RTN4RL2: variants seen among roughly 807,000 people sequenced by gnomAD.
RTN4RL2 encodes reticulon 4 receptor like 2.
RTN4RL2 carries 9 observed loss-of-function variants against 27.8 expected under a neutral mutation model. The ratio of observed to expected loss-of-function variants is 0.32; its 90% confidence interval spans 0.20 to 0.57. The LOEUF (loss-of-function observed/expected upper bound fraction) is 0.57, where lower values mean the gene tolerates loss of function less well. RTN4RL2 is among the 20% of genes least tolerant of loss of function. RTN4RL2 has a pLI of 0.90. For synonymous variants in RTN4RL2, 285 were observed against 297.9 expected (o/e 0.96, Z 0.45); for missense variants, 436 against 596.8 (o/e 0.73, Z 2.81).
In RTN4RL2 at chr11:57,476,391, C is replaced by T; in HGVS notation, c.743C>T (p.Ala248Val). 1.2e-6 allele frequency: 2 copies of T among 1,605,608 alleles called. No homozygotes were observed. The highest frequency in any genetic ancestry group is 1.7e-6 in the Non-Finnish European group (2 of 1,178,938). ...SLASLPGEAL[A>V]DLPSLEFLRL... is the part of the protein sequence containing the mutation. ...GCCTCGCTGCCCGGCGAGGCGCTCG[C>T]CGACCTGCCCTCGCTCGAGTTCCTG... The change falls in exon 3 of 3, where the codon GCC (alanine) becomes GTC (valine). Residue 248 changes from alanine (A) to valine (V), a missense_variant. Coordinates refer to ENST00000335099, the MANE Select transcript of RTN4RL2 (RefSeq NM_178570.3). The surrounding 1 kb of genome is among the most constrained non-coding windows in gnomAD (Gnocchi z 8.2).
chr11:57,474,093 C>A (rs560413698), intron 2 of RTN4RL2, among the ~76,000 whole-genome samples: 1 of 152,286 alleles, frequency 6.6e-6, no homozygotes, highest in South Asian at 2.1e-4. Flanking sequence ...AAGCCTACCC[C>A]CTGGATGGGC....
Position 57,476,737 on chromosome 11 carries a change from C to T in RTN4RL2, c.1089C>T (p.Asp363=). ...ACTCGCGGGGGCGCCAGGGCGGGGACGCGCCTACTGAGGACGACTACTGGG... is the reference window on the plus strand; with the variant it reads ...ACTCGCGGGGGCGCCAGGGCGGGGATGCGCCTACTGAGGACGACTACTGGG... ...AEDSRGRQGG[D]APTEDDYWGG... Residue 363 remains aspartate, a synonymous_variant, in exon 3 of 3, where the codon GAC becomes GAT. Transcript: ENST00000335099. This position sits in a 1 kb window ranked among gnomAD's most constrained non-coding sequence, Gnocchi z 8.2. The T allele has an allele frequency of 6.9e-7, 1 of 1,440,470 alleles. No homozygotes were observed. Among genetic ancestry groups the T allele is most frequent in the Non-Finnish European group, 9.1e-7 (1 of 1,104,174 alleles). The allele number at this position is 1,440,470 out of a possible 1,614,324, so 89.2% of individuals were successfully genotyped here. A position where few individuals can be genotyped will look rare whatever the true frequency, so the allele number is the denominator to read the frequency against.
At chr11:57,470,607 G>A (rs1460804581) in intron 2 of RTN4RL2, among the ~76,000 whole-genome samples, 1 of 144,118 alleles carries the variant, frequency 6.9e-6, no homozygotes, top group Non-Finnish European at 1.5e-5. Context: ...TTAGCACAAG[G>A]ATTAAAATGT....
chr11:57,468,179 CCT>C (rs1590731868), intron 2 of RTN4RL2, 89 bp downstream of exon 2: 1 of 1,382,888 alleles, frequency 7.2e-7, no homozygotes, highest in East Asian at 2.3e-5. Flanking sequence ...GTGCGTCCCT[CCT>C]CTCTCCCCAG....
Position 57,477,141 on chromosome 11 carries a change from C to A in RTN4RL2, c.*230C>A. Reference sequence around the variant, plus strand: ...GTGTGGTGGCTCAGCCCTGCCCTCCCCAGTTCTGGCCATTAACTCTTCCCC... The same window carrying A: ...GTGTGGTGGCTCAGCCCTGCCCTCCACAGTTCTGGCCATTAACTCTTCCCC... On this transcript the variant is annotated 3_prime_UTR_variant, in exon 3 of 3. Coordinates refer to ENST00000335099, the MANE Select transcript of RTN4RL2 (RefSeq NM_178570.3). 2.2e-6 allele frequency: 1 copy of A among 453,170 alleles called. No individual in the cohort carries two copies. The highest frequency in any genetic ancestry group is 3.8e-6 in the Non-Finnish European group (1 of 260,184). The allele number at this position is 453,170 out of a possible 1,614,324, so 28.1% of individuals were successfully genotyped here. A position where few individuals can be genotyped will look rare whatever the true frequency, so the allele number is the denominator to read the frequency against.
At chr11:57,469,655 G>A (rs1024945978) in intron 2 of RTN4RL2, among the ~76,000 whole-genome samples, 1 of 152,130 alleles carries the variant, frequency 6.6e-6, no homozygotes, top group African/African-American at 2.4e-5. Flanking sequence ...ATTTAACATT[G>A]GTTTCAGTGA....
chr11:57,476,519 C>A lies in RTN4RL2; in HGVS notation c.871C>A (p.Pro291Thr), dbSNP rs1469137463. The A allele has an allele frequency of 6.9e-7, 1 of 1,458,424 alleles. No homozygotes were observed. The highest frequency in any genetic ancestry group is 9.0e-7 in the Non-Finnish European group (1 of 1,115,104). The allele number at this position is 1,458,424 out of a possible 1,614,324, so 90.3% of individuals were successfully genotyped here. A position where few individuals can be genotyped will look rare whatever the true frequency, so the allele number is the denominator to read the frequency against. Residue 291 changes from proline (P) to threonine (T), a missense_variant, in exon 3 of 3, where the codon CCC (proline) becomes ACC (threonine). Transcript: ENST00000335099. This position sits in a 1 kb window ranked among gnomAD's most constrained non-coding sequence, Gnocchi z 8.2. ...CAGCTCCGACGTGACCTGCGCCACC[C>A]CCCCGGAGCGCCAGGGCCGAGACCT... ...VSSSDVTCAT[P>T]PERQGRDLRA...
intron 2 of RTN4RL2, 87 bp downstream of exon 2, chr11:57,468,177 C>A: frequency 7.2e-7 from 1 of 1,394,496 alleles, no homozygotes; most frequent in Non-Finnish European, 9.7e-7. Flanking sequence ...GCGTGCGTCC[C>A]TCCTCTCTCC....
At chr11:57,468,155 T>C in intron 2 of RTN4RL2, 65 bp downstream of exon 2, 1 of 1,510,280 alleles carries the variant, frequency 6.6e-7, no homozygotes. Flanking sequence ...GCCCCTCTGC[T>C]CCCCGACCCT....
In RTN4RL2 at chr11:57,467,569, T is replaced by G; in HGVS notation, c.32-40T>G. 1 of 1,562,474 alleles carries G rather than the reference T, an allele frequency of 6.4e-7. No homozygotes were observed. Among genetic ancestry groups the G allele is most frequent in the Non-Finnish European group, 8.7e-7 (1 of 1,154,750 alleles). On this transcript the variant is annotated intron_variant, in intron 1 of 2. Transcript: ENST00000335099. The surrounding 1 kb of genome is among the most constrained non-coding windows in gnomAD (Gnocchi z 5.5). ...TGGCCCCCAGCTGGCACTCCTGCCC[T>G]GGAAGCCCACCTAGTAAGTTCTGCT...
rs1380982828 is a variant in RTN4RL2, at chr11:57,476,400, C to G, written c.752C>G (p.Pro251Arg). ...CCCGGCGAGGCGCTCGCCGACCTGC[C>G]CTCGCTCGAGTTCCTGCGGCTCAAC... ...SLPGEALADLPSLEFLRLNAN... is the reference protein window; with the variant it reads ...SLPGEALADLRSLEFLRLNAN... Residue 251 changes from proline (P) to arginine (R), a missense_variant, in exon 3 of 3, where the codon CCC (proline) becomes CGC (arginine). Transcript: ENST00000335099. This position sits in a 1 kb window ranked among gnomAD's most constrained non-coding sequence, Gnocchi z 8.2. 3 of 1,603,726 alleles carry G rather than the reference C, an allele frequency of 1.9e-6. No homozygotes were observed. Among genetic ancestry groups the G allele is most frequent in the Admixed American group, 1.7e-5 (1 of 59,772 alleles).
intron 2 of RTN4RL2, among the ~76,000 whole-genome samples, chr11:57,468,389 A>T (rs1258480488): frequency 1.4e-5 from 2 of 148,112 alleles, no homozygotes; most frequent in Non-Finnish European, 3.0e-5. Context: ...ATCCCTTTCC[A>T]TCCATCACTG....
chr11:57,476,485 G>A lies in RTN4RL2; in HGVS notation c.837G>A (p.Ala279=). The A allele has an allele frequency of 1.3e-6, 2 of 1,528,324 alleles. No homozygotes were observed. The highest frequency in any genetic ancestry group is 1.2e-5 in the South Asian group (1 of 82,594). The allele number at this position is 1,528,324 out of a possible 1,614,324, so 94.7% of individuals were successfully genotyped here. A position where few individuals can be genotyped will look rare whatever the true frequency, so the allele number is the denominator to read the frequency against. The change falls in exon 3 of 3, where the codon GCG becomes GCA. Residue 279 remains alanine (A), a synonymous_variant. Transcript: ENST00000335099. This position sits in a 1 kb window ranked among gnomAD's most constrained non-coding sequence, Gnocchi z 8.2. ...CGCTCTGGGCCTGGTTCCAGCGCGC[G>A]CGCGTGTCCAGCTCCGACGTGACCT... ...ARPLWAWFQR[A]RVSSSDVTCA...
chr11:57,474,420 G>A lies in RTN4RL2; in HGVS notation c.514-1742G>A, dbSNP rs990378232. Reference sequence around the variant, plus strand: ...TGCCCTCCCCCAACCTGAGGCCTCCGACCAGGCTCCTGGGTGGCAGGCATG... The same window carrying A: ...TGCCCTCCCCCAACCTGAGGCCTCCAACCAGGCTCCTGGGTGGCAGGCATG... On this transcript the variant is annotated intron_variant, in intron 2 of 2. Transcript: ENST00000335099. 5.3e-5 allele frequency among the ~76,000 whole-genome samples: 8 copies of A among 152,306 alleles called. No individual in the cohort carries two copies. In the South Asian group the frequency reaches 6.2e-4, roughly 12 times the overall value.
intron 1 of RTN4RL2, among the ~76,000 whole-genome samples, chr11:57,465,989 A>ATTT: frequency 7.6e-6 from 1 of 132,074 alleles, no homozygotes; most frequent in African/African-American, 3.0e-5. Context: ...CCATGCCTAC[A>ATTT]ATTTTTTTTT....
rs1270875134 is a variant in RTN4RL2 at position 57,476,326 on chromosome 11, C to T, written c.678C>T (p.Leu226=). 4 of 1,611,002 alleles carry T rather than the reference C, an allele frequency of 2.5e-6. No homozygotes were observed. Among genetic ancestry groups the T allele is most frequent in the East Asian group, 2.2e-5 (1 of 44,822 alleles). ...TGCACCGCGCGGCCTTCCGCGGCCTCAGCCGCCTCACCATCCTCTACCTGT... is the reference window on the plus strand; with the variant it reads ...TGCACCGCGCGGCCTTCCGCGGCCTTAGCCGCCTCACCATCCTCTACCTGT... The part of the protein sequence containing the change: ...QGVHRAAFRG[L]SRLTILYLFN... The change falls in exon 3 of 3, where the codon CTC becomes CTT. Residue 226 remains leucine (L), a synonymous_variant. Coordinates refer to ENST00000335099, the MANE Select transcript of RTN4RL2 (RefSeq NM_178570.3). This position sits in a 1 kb window ranked among gnomAD's most constrained non-coding sequence, Gnocchi z 8.2.
In RTN4RL2 at chr11:57,467,278, G is replaced by A. The variant is rs7125786; in HGVS notation, c.32-331G>A. 0.061 allele frequency among the ~76,000 whole-genome samples: 9,331 copies of A among 152,078 alleles called. 984 individuals carry two copies. Among genetic ancestry groups the A allele is most frequent in the African/African-American group, 0.21 (8,857 of 41,462 alleles). On this transcript the variant is annotated intron_variant, in intron 1 of 2. Coordinates refer to ENST00000335099, the MANE Select transcript of RTN4RL2 (RefSeq NM_178570.3). This position sits in a 1 kb window ranked among gnomAD's most constrained non-coding sequence, Gnocchi z 5.5. ...CAGGCTGGAGTGCAAGGGTGTGATC[G>A]TTGCTCACTACAGCCTCAAACTCCT...
Position 57,467,735 on chromosome 11 carries a change from C to T in RTN4RL2, c.158C>T (p.Ser53Phe). Residue 53 changes from serine (S) to phenylalanine (F), a missense_variant, in exon 2 of 3, where the codon TCT becomes TTT. By Grantham distance (155) the Ser-to-Phe change is radical. Around this residue, in one of 3 missense-constraint regions of RTN4RL2, gnomAD observed 365 missense variants for 530.5 expected, o/e 0.69. Transcript: ENST00000335099. This position sits in a 1 kb window ranked among gnomAD's most constrained non-coding sequence, Gnocchi z 5.5. ...TVSCQANNFS[S>F]VPLSLPPSTQ... ...AGCTGCCAGGCCAACAACTTCTCCTCTGTGCCGCTGTCCCTGCCACCCAGC... is the reference window on the plus strand; with the variant it reads ...AGCTGCCAGGCCAACAACTTCTCCTTTGTGCCGCTGTCCCTGCCACCCAGC... The T allele has an allele frequency of 6.2e-7, 1 of 1,613,674 alleles. No homozygotes were observed. The highest frequency in any genetic ancestry group is 8.5e-7 in the Non-Finnish European group (1 of 1,180,026).
intron 1 of RTN4RL2, among the ~76,000 whole-genome samples, chr11:57,464,529 T>G (rs552091403): frequency 3.9e-5 from 6 of 152,016 alleles, no homozygotes; most frequent in Non-Finnish European, 7.4e-5. Flanking sequence ...GAAGTGGAGA[T>G]CAGAGGGTGA....
Sources: gnomAD v4.1 joint callset for allele counts (sites outside exome capture counted in the v4.1 genomes callset) on GRCh38, gnomAD v4.1.1 for gene constraint, gnomAD v4.1.1 regional missense constraint, Gnocchi (gnomAD v3.1) non-coding constraint, MANE v1.5 for transcripts, NCBI Gene and HGNC (gene_info 2026-07-23, HGNC 2026-07-21) for gene names.